Variants in OTUB2 observed in about 807,000 individuals in gnomAD.
OTUB2 encodes OTU deubiquitinase, ubiquitin aldehyde binding 2.
Under a neutral mutation model 25.1 loss-of-function variants are expected in OTUB2, and 21 were observed. That is an observed-to-expected ratio of 0.84 (90% CI 0.59 to 1.21). The LOEUF is 1.21. Ranked by LOEUF, OTUB2 falls within the 50% of genes most tolerant of loss-of-function variation. OTUB2 has a pLI of 0.00. For missense variants in OTUB2, 283 were observed against 298.0 expected (o/e 0.95, Z 0.37); for synonymous variants, 122 against 122.8 (o/e 0.99, Z 0.04).
Position 94,044,691 on chromosome 14 carries a change from C to T in OTUB2, c.409C>T (p.Leu137=). 6.2e-7 allele frequency: 1 copy of T among 1,614,198 alleles called. No individual in the cohort carries two copies. Among genetic ancestry groups the T allele is most frequent in the Non-Finnish European group, 8.5e-7 (1 of 1,180,046 alleles). ...GGACCACATCGTGCAGTTCCTGCGC[C>T]TGCTCACGTCGGCCTTCATCAGGAA... The part of the protein sequence containing the change: ...ASDHIVQFLR[L]LTSAFIRNRA... The change falls in exon 5 of 6, where the codon CTG becomes TTG. Residue 137 remains leucine (L), a synonymous_variant. Coordinates refer to ENST00000203664, the MANE Select transcript of OTUB2 (RefSeq NM_023112.4).
chr14:94,036,865 C>A (rs1885064608), intron 1 of OTUB2, among the ~76,000 whole-genome samples: 1 of 152,170 alleles, frequency 6.6e-6, no homozygotes, highest in Non-Finnish European at 1.5e-5. Context: ...CTTATCACCC[C>A]CTATCTTGAT....
intron 3 of OTUB2, among the ~76,000 whole-genome samples, chr14:94,041,535 C>A (rs1271209436): frequency 1.3e-5 from 2 of 152,070 alleles, no homozygotes; most frequent in Non-Finnish European, 2.9e-5. Flanking sequence ...TGGGCTCAGG[C>A]GGTCCTCCCT....
intron 1 of OTUB2, among the ~76,000 whole-genome samples, chr14:94,027,443 G>A (rs1015294315): frequency 4.6e-5 from 7 of 152,202 alleles, no homozygotes; most frequent in Admixed American, 1.3e-4. Flanking sequence ...GGCTTGAGTC[G>A]GGGCCACACA....
intron 1 of OTUB2, among the ~76,000 whole-genome samples, chr14:94,032,952 C>T (rs970417444): frequency 1.3e-5 from 2 of 152,212 alleles, no homozygotes; most frequent in Admixed American, 1.3e-4. Flanking sequence ...AAGTCTGTTG[C>T]CCAGGCTGGA....
chr14:94,028,812 A>G (rs1434460027), intron 1 of OTUB2, among the ~76,000 whole-genome samples: 1 of 152,230 alleles, frequency 6.6e-6, no homozygotes, highest in African/African-American at 2.4e-5. Context: ...TGAGAGGTCA[A>G]TATGCTCTGA....
In OTUB2 at chr14:94,044,763, A is replaced by G. The variant is rs529981118; in HGVS notation, c.481A>G (p.Lys161Glu). ...CTTCATTGATGAGGAGATGGACATC[A>G]AAGACTTCTGCACTCACGTAGGTGC... ...RHFIDEEMDI[K>E]DFCTHEVEPM... Residue 161 changes from lysine to glutamate, a missense_variant, in exon 5 of 6, where the codon AAA (lysine) becomes GAA (glutamate). Coordinates refer to ENST00000203664, the MANE Select transcript of OTUB2 (RefSeq NM_023112.4). The G allele has an allele frequency of 2.5e-6, 4 of 1,613,092 alleles. No homozygotes were observed. Among genetic ancestry groups the G allele is most frequent in the Non-Finnish European group, 3.4e-6 (4 of 1,179,926 alleles).
At chr14:94,043,569 G>A (rs1361925707) in intron 3 of OTUB2, among the ~76,000 whole-genome samples, 1 of 152,268 alleles carries the variant, frequency 6.6e-6, no homozygotes, top group Admixed American at 6.5e-5. Context: ...GGTGCTGGCA[G>A]ATGCTTAACA....
chr14:94,029,555 G>C (rs188195863), intron 1 of OTUB2, among the ~76,000 whole-genome samples: 1 of 152,168 alleles, frequency 6.6e-6, no homozygotes, highest in South Asian at 2.1e-4. Flanking sequence ...GACACCAGTC[G>C]TATTGAATTA....
chr14:94,039,239 G>T, intron 3 of OTUB2, 158 bp downstream of exon 3: 1 of 628,746 alleles, frequency 1.6e-6, no homozygotes, highest in Non-Finnish European at 2.8e-6. Flanking sequence ...GTGCCCAGCT[G>T]CCTGCTGTGG....
chr14:94,039,652 G>A (rs900977901), intron 3 of OTUB2, among the ~76,000 whole-genome samples: 1 of 152,126 alleles, frequency 6.6e-6, no homozygotes, highest in Non-Finnish European at 1.5e-5. Context: ...CTGAGACCTG[G>A]CTTGGACCCG....
chr14:94,045,086 G>T (rs1398520939), intron 5 of OTUB2, among the ~76,000 whole-genome samples: 1 of 152,170 alleles, frequency 6.6e-6, no homozygotes, highest in Admixed American at 6.5e-5. Flanking sequence ...ATGATGCATG[G>T]TATTTACCAG....
chr14:94,037,059 G>A (rs545462692), intron 1 of OTUB2, among the ~76,000 whole-genome samples: 8 of 152,328 alleles, frequency 5.3e-5, no homozygotes, highest in Admixed American at 1.3e-4. Flanking sequence ...AGGAGACAAA[G>A]GGCCTTATCC....
chr14:94,035,258 C>T (rs1885030009), intron 1 of OTUB2, among the ~76,000 whole-genome samples: 1 of 142,658 alleles, frequency 7.0e-6, no homozygotes. Flanking sequence ...TGGAAACATT[C>T]TTCATCCAGT....
chr14:94,045,954 C>G lies in OTUB2; in HGVS notation c.*32C>G, dbSNP rs756324408. On this transcript the variant is annotated 3_prime_UTR_variant, in exon 6 of 6. Coordinates refer to ENST00000203664, the MANE Select transcript of OTUB2 (RefSeq NM_023112.4). ...TTAGGCCATGCAGTGGAACCTGTCA[C>G]CTAATGGGACTGCATTCTGAATGGA... 1 of 1,593,986 alleles carries G rather than the reference C, an allele frequency of 6.3e-7. No homozygotes were observed. Among genetic ancestry groups the G allele is most frequent in the African/African-American group, 1.3e-5 (1 of 74,568 alleles).
Position 94,047,028 on chromosome 14 carries a change from C to G in OTUB2, c.*1106C>G, listed in dbSNP as rs1885291334. On this transcript the variant is annotated 3_prime_UTR_variant, in exon 6 of 6. Coordinates refer to ENST00000203664, the MANE Select transcript of OTUB2 (RefSeq NM_023112.4). ...CCATACCCCTTAAATAAGCCCCTCA[C>G]CTTGCTGCCTCAGGACCTTCAAGAT... 1 of 152,388 alleles carries G rather than the reference C, an allele frequency of 6.6e-6. No homozygotes were observed. Among genetic ancestry groups the G allele is most frequent in the East Asian group, 1.9e-4 (1 of 5,178 alleles). 9.4% of individuals were successfully genotyped at this position (152,388 alleles called of 1,614,324 possible).
In OTUB2 at chr14:94,026,505, G is replaced by T; in HGVS notation, c.-33G>T. On this transcript the variant is annotated 5_prime_UTR_variant, in exon 1 of 6. Transcript: ENST00000203664. ...TTCCCGCACCGGATCGCTCCTCGCT[G>T]GGGCGGGACCTGGCCTGGCGGCTCT... 1 of 1,307,036 alleles carries T rather than the reference G, an allele frequency of 7.7e-7. No homozygotes were observed. 81.0% of individuals were successfully genotyped at this position (1,307,036 alleles called of 1,614,324 possible).
chr14:94,040,827 A>G (rs1885146781), intron 3 of OTUB2, among the ~76,000 whole-genome samples: 1 of 152,172 alleles, frequency 6.6e-6, no homozygotes, highest in Non-Finnish European at 1.5e-5. Context: ...TGTGGGAAAA[A>G]TCAGGCAGGA....
chr14:94,040,429 G>A (rs1885139347), intron 3 of OTUB2, among the ~76,000 whole-genome samples: 1 of 152,242 alleles, frequency 6.6e-6, no homozygotes, highest in South Asian at 2.1e-4. Flanking sequence ...CCTGGGCTCT[G>A]AGGCCAGACC....
chr14:94,026,521 TGGC>T lies in OTUB2; in HGVS notation c.-13_-11del, dbSNP rs60927226. ...CTCCTCGCTGGGGCGGGACCTGGCC[TGGC>T]GGCTCTGGTCACTATGGTCAGTGAT... On this transcript the variant is annotated 5_prime_UTR_variant, in exon 1 of 6. Transcript: ENST00000203664. 0.098 allele frequency: 124,017 copies of T among 1,259,232 alleles called. 6,255 individuals are homozygous for T. The highest frequency in any genetic ancestry group is 0.16 in the Middle Eastern group (514 of 3,284). The allele number at this position is 1,259,232 out of a possible 1,614,324, so 78.0% of individuals were successfully genotyped here. A position where few individuals can be genotyped will look rare whatever the true frequency, so the allele number is the denominator to read the frequency against.
Sources: allele counts gnomAD v4.1 joint callset (sites outside exome capture counted in the v4.1 genomes callset), GRCh38; gene constraint gnomAD v4.1.1; transcripts MANE v1.5; gene names NCBI Gene and HGNC (gene_info 2026-07-23, HGNC 2026-07-21).